Variants in ZNF469 observed in about 807,000 individuals in gnomAD.
ZNF469 encodes zinc finger protein 469.
Under a neutral mutation model 1.0 loss-of-function variants are expected in ZNF469, and 1 was observed. The ratio of observed to expected loss-of-function variants is 1.00; its 90% confidence interval spans 0.35 to 4.73. ZNF469 has a LOEUF of 4.73. Among genes scored for constraint, ZNF469 ranks in the 30% most tolerant of loss-of-function variants. The probability of loss-of-function intolerance (pLI) is 0.16; values close to 1 mark genes in which losing one functional copy is unlikely to be tolerated. For missense variants in ZNF469, 6,100 were observed against 5,356.3 expected (o/e 1.14, Z -4.33); for synonymous variants, 2,703 against 2,363.4 (o/e 1.14, Z -4.17).
chr16:88,229,931 G>A, the ZNF469 span, among the ~76,000 whole-genome samples: 26 of 152,172 alleles, frequency 1.7e-4, 1 homozygote, highest in Admixed American at 8.5e-4. Context: ...CCGGGGGCGC[G>A]CTCTGTTCTG....
the ZNF469 span, among the ~76,000 whole-genome samples, chr16:88,345,487 A>G: frequency 6.6e-6 from 1 of 152,192 alleles, no homozygotes; most frequent in East Asian, 1.9e-4. Context: ...CACCAGGAGC[A>G]TGGGATCTGC....
the ZNF469 span, among the ~76,000 whole-genome samples, chr16:88,285,458 C>T: frequency 6.6e-6 from 1 of 152,238 alleles, no homozygotes; most frequent in African/African-American, 2.4e-5. Flanking sequence ...CACACTGTCA[C>T]AGCAGAATCT....
At chr16:88,117,207 A>T in the ZNF469 span, among the ~76,000 whole-genome samples, 2 of 146,778 alleles carry the variant, frequency 1.4e-5, no homozygotes, top group Admixed American at 1.4e-4. Flanking sequence ...AGGGCCGGGG[A>T]CACGTGAGAG....
the ZNF469 span, among the ~76,000 whole-genome samples, chr16:88,307,335 C>T: frequency 6.6e-6 from 1 of 152,200 alleles, no homozygotes; most frequent in African/African-American, 2.4e-5. Flanking sequence ...ACAAAGGTTT[C>T]CATTTCTCTA....
At chr16:88,327,226 C>T in the ZNF469 span, among the ~76,000 whole-genome samples, 1 of 152,204 alleles carries the variant, frequency 6.6e-6, no homozygotes, top group Non-Finnish European at 1.5e-5. Context: ...ACCACTGGGG[C>T]TTCTCACACC....
the ZNF469 span, among the ~76,000 whole-genome samples, chr16:88,348,776 A>T: frequency 6.6e-6 from 1 of 152,118 alleles, no homozygotes; most frequent in African/African-American, 2.4e-5. Flanking sequence ...CCAACTCTCC[A>T]GGTGAAGAGT....
chr16:88,252,470 GT>G, the ZNF469 span, among the ~76,000 whole-genome samples: 103 of 150,474 alleles, frequency 6.8e-4, no homozygotes, highest in African/African-American at 2.4e-3. Context: ...TCCATTTGCA[GT>G]TGACAGTCAC....
chr16:88,278,781 C>A, the ZNF469 span, among the ~76,000 whole-genome samples: 133 of 125,036 alleles, frequency 1.1e-3, 20 homozygotes, highest in Non-Finnish European at 1.6e-3. Context: ...TGGTCAGTAC[C>A]GTGTAGATAT....
chr16:88,409,536 G>C lies in ZNF469; in HGVS notation c.-191-15271G>C, dbSNP rs548555913. ...AGCAGCCGGGAGTGTGGGAGGAAGAGACCCTCACCAGGGGCAGGGGGCCAG... is the reference window on the plus strand; with the variant it reads ...AGCAGCCGGGAGTGTGGGAGGAAGACACCCTCACCAGGGGCAGGGGGCCAG... On this transcript the variant is annotated intron_variant, in intron 1 of 2. Coordinates refer to ENST00000565624, the MANE Select transcript of ZNF469 (RefSeq NM_001367624.2). Among the ~76,000 whole-genome samples the C allele has an allele frequency of 5.3e-5, 8 of 152,272 alleles. No homozygotes were observed. In the South Asian group the frequency reaches 1.5e-3, roughly 28 times the overall value.
At chr16:88,379,408 C>G (rs1240463824), upstream of ZNF469, among the ~76,000 whole-genome samples, 1 of 152,194 alleles carries the variant, frequency 6.6e-6, no homozygotes, top group Non-Finnish European at 1.5e-5. Flanking sequence ...GCAGAGCACC[C>G]CATCAGGCAA....
At chr16:88,236,472 G>A in the ZNF469 span, among the ~76,000 whole-genome samples, 6 of 152,228 alleles carry the variant, frequency 3.9e-5, no homozygotes, top group African/African-American at 4.8e-5. Context: ...AGACGTGTCC[G>A]ACCCCCACTT....
At chr16:88,107,314 A>T in the ZNF469 span, among the ~76,000 whole-genome samples, 9 of 152,258 alleles carry the variant, frequency 5.9e-5, no homozygotes, top group African/African-American at 1.9e-4. Context: ...CAGGAAACTG[A>T]CAATCATGGC....
At chr16:88,211,016 G>A in the ZNF469 span, among the ~76,000 whole-genome samples, 1 of 152,284 alleles carries the variant, frequency 6.6e-6, no homozygotes, top group Non-Finnish European at 1.5e-5. Flanking sequence ...TTCGGCCGTT[G>A]AGTGGCCTTG....
the ZNF469 span, among the ~76,000 whole-genome samples, chr16:88,117,141 A>ATGTGAGAGCTGGGGACG: frequency 6.7e-6 from 1 of 150,242 alleles, no homozygotes; most frequent in Non-Finnish European, 1.5e-5. Context: ...GGCCAGGGAT[A>ATGTGAGAGCTGGGGACG]TGTGAGAGCT....
In ZNF469 at chr16:88,432,037, G is replaced by A. The variant is rs1364680502; in HGVS notation, c.4567G>A (p.Val1523Met). 2 of 1,550,548 alleles carry A rather than the reference G, an allele frequency of 1.3e-6. No individual in the cohort carries two copies. The highest frequency in any genetic ancestry group is 1.7e-6 in the Non-Finnish European group (2 of 1,146,992). Reference protein sequence around the residue: ...SHFPDLSGGKVLSKTCPPERT... With the variant: ...SHFPDLSGGKMLSKTCPPERT... ...TTTTCCTGATCTCTCGGGGGGAAAG[G>A]TGCTCAGTAAGACGTGTCCCCCTGA... The change falls in exon 3 of 3, where the codon GTG (valine) becomes ATG (methionine). Residue 1523 changes from valine to methionine, a missense_variant. Transcript: ENST00000565624.
chr16:88,270,577 G>A, the ZNF469 span, among the ~76,000 whole-genome samples: 27 of 152,284 alleles, frequency 1.8e-4, 1 homozygote, highest in African/African-American at 6.0e-4. Flanking sequence ...CATTCCATCC[G>A]TCTGCAGCAT....
chr16:88,261,139 C>G, the ZNF469 span, among the ~76,000 whole-genome samples: 1 of 152,220 alleles, frequency 6.6e-6, no homozygotes, highest in Non-Finnish European at 1.5e-5. This position sits in a 1 kb window ranked among gnomAD's most constrained non-coding sequence, Gnocchi z 6.0. Context: ...AATCAGCGAT[C>G]TCACGCATGG....
the ZNF469 span, among the ~76,000 whole-genome samples, chr16:88,107,786 G>A: frequency 6.6e-6 from 1 of 152,268 alleles, no homozygotes; most frequent in African/African-American, 2.4e-5. Context: ...TGCAGACGCT[G>A]CAGAAGCAGG....
At chr16:88,309,060 G>A in the ZNF469 span, among the ~76,000 whole-genome samples, 5 of 152,118 alleles carry the variant, frequency 3.3e-5, no homozygotes, top group Admixed American at 1.3e-4. Flanking sequence ...CCCACGTCCC[G>A]ACTGGACCTT....
Sources: allele counts gnomAD v4.1 joint callset (sites outside exome capture counted in the v4.1 genomes callset), GRCh38; gene constraint gnomAD v4.1.1; non-coding constraint Gnocchi (gnomAD v3.1); transcripts MANE v1.5; gene names NCBI Gene and HGNC (gene_info 2026-07-23, HGNC 2026-07-21).